Variants in CERS6 observed in about 807,000 individuals in gnomAD.
CERS6 encodes the protein ceramide synthase 6, also known as LAG1 homolog, ceramide synthase 6.
In CERS6, 26 loss-of-function variants were observed where a neutral mutation model predicts 56.8. The ratio of observed to expected loss-of-function variants is 0.46; its 90% CI spans 0.34 to 0.63. The LOEUF (loss-of-function observed/expected upper bound fraction) is 0.63. Ranked by LOEUF, CERS6 falls within the 30% of genes least tolerant of loss-of-function variation. The probability of loss-of-function intolerance (pLI) is 0.01; values close to 1 mark genes in which losing one functional copy is unlikely to be tolerated. For synonymous variants in CERS6, 164 were observed against 173.3 expected (o/e 0.95, Z 0.42); for missense variants, 415 against 467.5 (o/e 0.89, Z 1.04).
At chr2:168,533,608 A>G (rs1223949000) in intron 1 of CERS6, among the ~76,000 whole-genome samples, 1 of 152,062 alleles carries the variant, frequency 6.6e-6, no homozygotes, top group African/African-American at 2.4e-5. Context: ...GCTTCCCTTT[A>G]TATGTGACCT....
chr2:168,600,210 C>CT (rs1553497957), intron 3 of CERS6, among the ~76,000 whole-genome samples: 1 of 145,666 alleles, frequency 6.9e-6, no homozygotes, highest in African/African-American at 2.5e-5. Context: ...CTCTCTCTCT[C>CT]TTTTTTTTTT....
chr2:168,691,078 CT>C lies in CERS6; in HGVS notation c.511del (p.Tyr171IlefsTer22). The C allele has an allele frequency of 1.9e-6, 3 of 1,613,044 alleles. No homozygotes were observed. Among genetic ancestry groups the C allele is most frequent in the Non-Finnish European group, 2.5e-6 (3 of 1,179,160 alleles). On this transcript the variant is annotated frameshift_variant, in exon 5 of 10. Coordinates refer to ENST00000305747, the MANE Select transcript of CERS6 (RefSeq NM_203463.3). LOFTEE classifies it high-confidence loss of function. The stretch of plus-strand genomic sequence containing the variant: ...CGAGGCATTGCTGGTACAACTACCC[CT>C]ATCAGGTAAGGAGGCATTATTGTCT... ...NTRHCWYNYP[Y>X]QPLTTDLHYY...
chr2:168,534,942 C>G (rs1695233356), intron 1 of CERS6, among the ~76,000 whole-genome samples: 1 of 152,212 alleles, frequency 6.6e-6, no homozygotes, highest in Admixed American at 6.5e-5. Flanking sequence ...TATTGGAGTT[C>G]CTGCAGGGAA....
intron 3 of CERS6, among the ~76,000 whole-genome samples, chr2:168,579,521 T>C (rs978558801): frequency 6.6e-6 from 1 of 152,178 alleles, no homozygotes; most frequent in Non-Finnish European, 1.5e-5. Flanking sequence ...CTCAGAGTTA[T>C]CTGTGCATTC....
At chr2:168,628,256 A>G (rs1365554368) in intron 3 of CERS6, among the ~76,000 whole-genome samples, 1 of 152,146 alleles carries the variant, frequency 6.6e-6, no homozygotes, top group Non-Finnish European at 1.5e-5. Flanking sequence ...TCCCGAATTT[A>G]GAGATATTCA....
chr2:168,745,779 C>T (rs866044217), intron 8 of CERS6, among the ~76,000 whole-genome samples: 1 of 152,158 alleles, frequency 6.6e-6, no homozygotes, highest in African/African-American at 2.4e-5. Context: ...CCCCCAGAGT[C>T]CTCCCCAGAA....
chr2:168,560,073 A>G (rs944010307), intron 2 of CERS6, among the ~76,000 whole-genome samples: 2 of 152,102 alleles, frequency 1.3e-5, no homozygotes, highest in Non-Finnish European at 2.9e-5. Context: ...AATGTATTGG[A>G]CTTACAGTTC....
intron 1 of CERS6, among the ~76,000 whole-genome samples, chr2:168,535,921 T>G (rs1695255135): frequency 6.6e-6 from 1 of 152,036 alleles, no homozygotes; most frequent in African/African-American, 2.4e-5. Context: ...GTTGTATGTT[T>G]ATTGATGTTT....
chr2:168,468,157 G>A (rs934707854), intron 1 of CERS6, among the ~76,000 whole-genome samples: 8 of 152,170 alleles, frequency 5.3e-5, no homozygotes, highest in Admixed American at 2.0e-4. Context: ...GGGCCGCTGT[G>A]TGCCACTGAG....
intron 1 of CERS6, among the ~76,000 whole-genome samples, chr2:168,460,410 T>G (rs1253247151): frequency 6.6e-6 from 1 of 152,104 alleles, no homozygotes; most frequent in African/African-American, 2.4e-5. Context: ...TTTCCCAGGC[T>G]TGTCTCAAAC....
Position 168,659,942 on chromosome 2 carries a change from A to C in CERS6, c.465+28900A>C, listed in dbSNP as rs73970088. On this transcript the variant is annotated intron_variant, in intron 4 of 9. Transcript: ENST00000305747. ...GAGTGTTGCACTATGATGCAAAATC[A>C]AGAAAACAGATTATTTTATACTAAA... Among the ~76,000 whole-genome samples, 957 of 152,366 alleles carry C rather than the reference A, an allele frequency of 6.3e-3. 9 individuals are homozygous for C. Among genetic ancestry groups the C allele is most frequent in the African/African-American group, 0.022 (903 of 41,590 alleles).
chr2:168,696,103 C>T (rs7599627), intron 6 of CERS6, among the ~76,000 whole-genome samples: 50,058 of 152,018 alleles, frequency 0.33, 10,234 homozygotes, highest in Non-Finnish European at 0.45. Flanking sequence ...GGATACACAA[C>T]GTATATTGTG....
At chr2:168,717,819 CTT>C in intron 7 of CERS6, 51 bp from the exon 8 acceptor site, 1 of 1,385,296 alleles carries the variant, frequency 7.2e-7, no homozygotes, top group Non-Finnish European at 1.0e-6. Flanking sequence ...TTGAAAGAAA[CTT>C]TTTATTATCA....
chr2:168,717,788 C>T (rs920356534), intron 7 of CERS6, 84 bp from the exon 8 acceptor site: 1 of 941,858 alleles, frequency 1.1e-6, no homozygotes, highest in Non-Finnish European at 1.6e-6. Flanking sequence ...TAAGGTATAT[C>T]TTATAGGAGA....
At chr2:168,589,327 G>A (rs1287291811) in intron 3 of CERS6, among the ~76,000 whole-genome samples, 3 of 151,990 alleles carry the variant, frequency 2.0e-5, no homozygotes, top group African/African-American at 7.3e-5. Flanking sequence ...TAAATTATAA[G>A]AGGTAGATAG....
chr2:168,488,177 G>T (rs1341145292), intron 1 of CERS6, among the ~76,000 whole-genome samples: 1 of 152,112 alleles, frequency 6.6e-6, no homozygotes, highest in Non-Finnish European at 1.5e-5. Context: ...TATTGTCTTA[G>T]ATGGTAAGTT....
intron 3 of CERS6, among the ~76,000 whole-genome samples, chr2:168,585,971 C>A (rs1022831001): frequency 6.6e-6 from 1 of 152,118 alleles, no homozygotes; most frequent in African/African-American, 2.4e-5. Context: ...GCCATCCTTG[C>A]TAATGGCAGG....
intron 1 of CERS6, among the ~76,000 whole-genome samples, chr2:168,508,713 G>A (rs920121870): frequency 6.6e-6 from 1 of 152,020 alleles, no homozygotes; most frequent in African/African-American, 2.4e-5. Flanking sequence ...CCCTGTCGGG[G>A]GGTGGGGGGT....
At chr2:168,544,640 G>A (rs921473786) in intron 1 of CERS6, among the ~76,000 whole-genome samples, 2 of 152,152 alleles carry the variant, frequency 1.3e-5, no homozygotes, top group African/African-American at 2.4e-5. Context: ...CTTAGACCCC[G>A]ATCACACTGC....
Sources: gnomAD v4.1 joint callset for allele counts (sites outside exome capture counted in the v4.1 genomes callset) on GRCh38, gnomAD v4.1.1 for gene constraint, MANE v1.5 for transcripts, NCBI Gene and HGNC (gene_info 2026-07-23, HGNC 2026-07-21) for gene names.